CA10: variants seen among roughly 807,000 people sequenced by gnomAD.
CA10 encodes the protein carbonic anhydrase-related protein 10.
In CA10, 14 loss-of-function variants were observed where a neutral mutation model predicts 44.2. That is an observed-to-expected ratio of 0.32 (90% CI 0.21 to 0.50). The LOEUF (loss-of-function observed/expected upper bound fraction) is 0.50, where lower values mean the gene tolerates loss of function less well. Among genes scored for constraint, CA10 ranks in the 20% least tolerant of loss-of-function variants. CA10 has a pLI of 0.99. For missense variants in CA10, 350 were observed against 409.7 expected, an observed-to-expected ratio of 0.85 and a Z score of 1.26; for synonymous variants, 159 against 141.6, an observed-to-expected ratio of 1.12 and a Z score of -0.87.
intron 1 of CA10, among the ~76,000 whole-genome samples, chr17:52,154,297 T>C (rs987779306): frequency 2.6e-5 from 4 of 152,208 alleles, no homozygotes; most frequent in Admixed American, 2.6e-4. Flanking sequence ...TGGGCTTTGG[T>C]TGCTATATCT....
At chr17:51,685,945 C>T (rs1037432677) in intron 4 of CA10, among the ~76,000 whole-genome samples, 1 of 152,238 alleles carries the variant, frequency 6.6e-6, no homozygotes, top group African/African-American at 2.4e-5. Flanking sequence ...AGCTCCTCTG[C>T]TCAACCTCCA....
chr17:52,112,471 C>T (rs1426308136), intron 1 of CA10, among the ~76,000 whole-genome samples: 2 of 152,190 alleles, frequency 1.3e-5, no homozygotes, highest in East Asian at 3.9e-4. Flanking sequence ...AAAGACCACG[C>T]TGGCCACAAT....
At chr17:51,758,835 C>T (rs1020250513) in intron 3 of CA10, among the ~76,000 whole-genome samples, 52 of 152,164 alleles carry the variant, frequency 3.4e-4, no homozygotes, top group African/African-American at 1.1e-3. Context: ...ACAAAACCTT[C>T]GAGGTCAGCA....
intron 1 of CA10, among the ~76,000 whole-genome samples, chr17:52,127,393 G>A (rs557606963): frequency 6.6e-6 from 1 of 152,240 alleles, no homozygotes; most frequent in South Asian, 2.1e-4. Flanking sequence ...GTACTATGCT[G>A]TATATGGTTC....
intron 1 of CA10, among the ~76,000 whole-genome samples, chr17:52,140,859 G>A (rs535574071): frequency 4.1e-4 from 63 of 152,228 alleles, no homozygotes; most frequent in African/African-American, 1.4e-3. Flanking sequence ...TCAGAGCCTG[G>A]TAAAGCTCAT....
At chr17:51,740,677 ACCT>A (rs1172382326) in intron 4 of CA10, among the ~76,000 whole-genome samples, 1 of 151,978 alleles carries the variant, frequency 6.6e-6, no homozygotes, top group African/African-American at 2.4e-5. Flanking sequence ...GACCTCTCCG[ACCT>A]CCTTCCCCAT....
chr17:52,105,594 C>T (rs1988644942), intron 1 of CA10, among the ~76,000 whole-genome samples: 1 of 152,202 alleles, frequency 6.6e-6, no homozygotes, highest in African/African-American at 2.4e-5. Context: ...AAGGTTCTTA[C>T]CCGCTTCTTC....
At chr17:51,944,265 G>A (rs1567894699) in intron 2 of CA10, among the ~76,000 whole-genome samples, 1 of 152,082 alleles carries the variant, frequency 6.6e-6, no homozygotes, top group Non-Finnish European at 1.5e-5. Context: ...GAATATACCA[G>A]GACTATCCTG....
chr17:52,113,469 G>A (rs1988829335), intron 1 of CA10, among the ~76,000 whole-genome samples: 1 of 152,130 alleles, frequency 6.6e-6, no homozygotes, highest in Non-Finnish European at 1.5e-5. Flanking sequence ...GAAATTCAAT[G>A]TGGTAAAATT....
At chr17:51,906,472 C>G (rs950457768) in intron 3 of CA10, among the ~76,000 whole-genome samples, 3 of 152,126 alleles carry the variant, frequency 2.0e-5, no homozygotes, top group Admixed American at 2.0e-4. Flanking sequence ...CCTTCCCTGC[C>G]TGCCAATCTC....
At chr17:51,956,077 T>C (rs564558452) in intron 2 of CA10, among the ~76,000 whole-genome samples, 1 of 152,264 alleles carries the variant, frequency 6.6e-6, no homozygotes, top group South Asian at 2.1e-4. Context: ...TTAGAAGAAA[T>C]ATTTTATAGA....
At chr17:51,781,558 A>T (rs1906059854) in intron 3 of CA10, among the ~76,000 whole-genome samples, 1 of 152,170 alleles carries the variant, frequency 6.6e-6, no homozygotes, top group Admixed American at 6.5e-5. Flanking sequence ...TAATGATGAA[A>T]ATCTACTTGT....
chr17:51,748,990 AG>A (rs1904801696), intron 3 of CA10, among the ~76,000 whole-genome samples: 1 of 152,150 alleles, frequency 6.6e-6, no homozygotes, highest in African/African-American at 2.4e-5. Flanking sequence ...TGTGACTGAT[AG>A]GGGCCATGGG....
chr17:51,897,337 C>T (rs555679705), intron 3 of CA10, among the ~76,000 whole-genome samples: 3 of 151,908 alleles, frequency 2.0e-5, no homozygotes, highest in Non-Finnish European at 4.4e-5. Context: ...GTCCTTTCTC[C>T]ATTGTTTTTC....
intron 2 of CA10, among the ~76,000 whole-genome samples, chr17:51,956,734 G>C (rs558207927): frequency 6.6e-6 from 1 of 152,094 alleles, no homozygotes; most frequent in African/African-American, 2.4e-5. Flanking sequence ...ATTTGGCAGT[G>C]GTGAGAGGCT....
intron 2 of CA10, among the ~76,000 whole-genome samples, chr17:51,971,183 C>CTG (rs1984267286): frequency 6.6e-6 from 1 of 152,062 alleles, no homozygotes; most frequent in Non-Finnish European, 1.5e-5. Context: ...CTCCATATTT[C>CTG]CATGAGGAGT....
intron 2 of CA10, among the ~76,000 whole-genome samples, chr17:51,950,435 G>A (rs1452856404): frequency 5.3e-5 from 8 of 152,238 alleles, no homozygotes; most frequent in Admixed American, 6.5e-5. Context: ...GGAGGCACTC[G>A]CAGGGAACTG....
intron 3 of CA10, among the ~76,000 whole-genome samples, chr17:51,921,759 CAT>C (rs1424974510): frequency 1.3e-5 from 2 of 152,194 alleles, no homozygotes; most frequent in Admixed American, 1.3e-4. Context: ...CTCAACTGAG[CAT>C]ATTATTCATT....
intron 4 of CA10, among the ~76,000 whole-genome samples, chr17:51,686,482 T>G (rs1915014486): frequency 6.6e-6 from 1 of 152,052 alleles, no homozygotes; most frequent in Non-Finnish European, 1.5e-5. Context: ...TCAATTGACC[T>G]CTCCCTAGCT....
Sources: gnomAD v4.1 joint callset for allele counts (sites outside exome capture counted in the v4.1 genomes callset) on GRCh38, gnomAD v4.1.1 for gene constraint, MANE v1.5 for transcripts, NCBI Gene and HGNC (gene_info 2026-07-23, HGNC 2026-07-21) for gene names.